Variants in MGST1 observed in about 807,000 individuals in gnomAD.
MGST1 encodes the protein glutathione S-transferase 12.
Under a neutral mutation model 8.9 loss-of-function variants are expected in MGST1, and 5 were observed. The observed-to-expected ratio is 0.56, with a 90% CI of 0.29 to 1.19. MGST1 has a LOEUF of 1.19. MGST1 is among the 50% of genes most tolerant of loss of function. The probability of loss-of-function intolerance (pLI) is 0.08; values close to 1 mark genes in which losing one functional copy is unlikely to be tolerated. For missense variants in MGST1, 182 were observed against 187.4 expected (o/e 0.97, Z 0.17); for synonymous variants, 54 against 67.8 (o/e 0.80, Z 1.00).
chr12:16,422,423 A>C (rs146590526), intron 1 of MGST1, among the ~76,000 whole-genome samples: 86 of 152,258 alleles, frequency 5.6e-4, no homozygotes, highest in African/African-American at 2.0e-3. Flanking sequence ...ACATAACAAA[A>C]TGGCCTATTT....
chr12:16,378,328 G>A (rs1469408542), downstream of MGST1, among the ~76,000 whole-genome samples: 1 of 151,678 alleles, frequency 6.6e-6, no homozygotes, highest in African/African-American at 2.4e-5. Flanking sequence ...TTTGTATAAG[G>A]TGTAAGGAAG....
At chr12:16,427,429 C>G (rs539206759) in intron 1 of MGST1, among the ~76,000 whole-genome samples, 1 of 152,334 alleles carries the variant, frequency 6.6e-6, no homozygotes, top group Admixed American at 6.5e-5. Context: ...GTCACCCAGG[C>G]TGAAGTACAG....
At chr12:16,530,705 G>C (rs966895685) in intron 4 of MGST1, among the ~76,000 whole-genome samples, 3 of 152,080 alleles carry the variant, frequency 2.0e-5, no homozygotes, top group African/African-American at 7.2e-5. Context: ...CTACCATGAA[G>C]TAAAAGAAAG....
intron 4 of MGST1, chr12:16,573,467 A>G (rs931773024): frequency 1.3e-5 from 2 of 152,208 alleles, no homozygotes; most frequent in African/African-American, 4.8e-5. Context: ...GTCCACATGT[A>G]TAAATAAAGT....
chr12:16,422,728 C>T (rs535243715), intron 1 of MGST1, among the ~76,000 whole-genome samples: 1 of 152,284 alleles, frequency 6.6e-6, no homozygotes, highest in African/African-American at 2.4e-5. Flanking sequence ...CTACTGGATA[C>T]AAGATCAGAG....
chr12:16,398,378 G>C (rs2137060025), intron 1 of MGST1, among the ~76,000 whole-genome samples: 1 of 152,306 alleles, frequency 6.6e-6, no homozygotes, highest in East Asian at 1.9e-4. Context: ...AGGAGCAGCA[G>C]TGCTGAGAGG....
chr12:16,392,522 C>T (rs372438786), intron 1 of MGST1, among the ~76,000 whole-genome samples: 3 of 152,184 alleles, frequency 2.0e-5, no homozygotes, highest in African/African-American at 7.2e-5. Flanking sequence ...ATTTCAGTTT[C>T]ATTTTTCTCC....
At chr12:16,475,686 T>A (rs1941317986) in intron 4 of MGST1, among the ~76,000 whole-genome samples, 1 of 152,162 alleles carries the variant, frequency 6.6e-6, no homozygotes, top group East Asian at 1.9e-4. Context: ...AAGGAGACTG[T>A]TGGAAGTAGC....
At chr12:16,379,946 T>C (rs1940433726), downstream of MGST1, among the ~76,000 whole-genome samples, 1 of 152,228 alleles carries the variant, frequency 6.6e-6, no homozygotes, top group Non-Finnish European at 1.5e-5. Context: ...GAGGTGTTTG[T>C]AGTATTCTCT....
At chr12:16,542,303 A>C (rs1941797522) in intron 4 of MGST1, among the ~76,000 whole-genome samples, 1 of 152,182 alleles carries the variant, frequency 6.6e-6, no homozygotes, top group Non-Finnish European at 1.5e-5. Context: ...AAAGAAAGAA[A>C]ATATATTGAG....
At chr12:16,380,302 C>T (rs1444793501), downstream of MGST1, among the ~76,000 whole-genome samples, 4 of 152,214 alleles carry the variant, frequency 2.6e-5, no homozygotes, top group African/African-American at 7.2e-5. Flanking sequence ...TCCCTCTACA[C>T]ACTGCTTTGA....
intron 1 of MGST1, among the ~76,000 whole-genome samples, chr12:16,411,801 G>A (rs1010491247): frequency 6.6e-6 from 1 of 152,158 alleles, no homozygotes; most frequent in Non-Finnish European, 1.5e-5. Flanking sequence ...TAAAAGTAGT[G>A]TAGAACAATC....
intron 1 of MGST1, among the ~76,000 whole-genome samples, chr12:16,394,564 TTCTTTCTTTC>T (rs1448629913): frequency 1.2e-5 from 1 of 83,286 alleles, no homozygotes; most frequent in Non-Finnish European, 2.8e-5. Context: ...CTTTCTTTCT[TTCTTTCTTTC>T]TTCTCTCTGT....
At chr12:16,375,123 C>T (rs1381858497) in intron 3 of MGST1, among the ~76,000 whole-genome samples, 5 of 152,118 alleles carry the variant, frequency 3.3e-5, no homozygotes, top group Admixed American at 1.3e-4. Flanking sequence ...TCAAGTGTTC[C>T]TCCTGCCTTG....
chr12:16,473,490 C>A (rs1302168032), intron 4 of MGST1, among the ~76,000 whole-genome samples: 1 of 152,142 alleles, frequency 6.6e-6, no homozygotes, highest in Admixed American at 6.5e-5. Flanking sequence ...TTAAGCATAA[C>A]CATATACAAC....
intron 1 of MGST1, among the ~76,000 whole-genome samples, chr12:16,432,768 A>C: frequency 6.6e-6 from 1 of 151,504 alleles, no homozygotes; most frequent in Admixed American, 6.6e-5. Flanking sequence ...TCCAGAGGAA[A>C]AGAATCAATA....
chr12:16,550,404 T>A (rs1156466806), intron 4 of MGST1: 1 of 152,342 alleles, frequency 6.6e-6, no homozygotes, highest in Non-Finnish European at 1.5e-5. Context: ...ATAAGGGGTG[T>A]GGCTGAAAAA....
chr12:16,425,588 A>G (rs939149502), intron 1 of MGST1, among the ~76,000 whole-genome samples: 1 of 152,038 alleles, frequency 6.6e-6, no homozygotes, highest in Non-Finnish European at 1.5e-5. Flanking sequence ...TCTGGCAGAA[A>G]CTCATTATTA....
In MGST1 at chr12:16,503,824, T is replaced by C. The variant is rs1941520392; in HGVS notation, n.483-85704T>C. Among the ~76,000 whole-genome samples, 1 of 152,222 alleles carries C rather than the reference T, an allele frequency of 6.6e-6. No individual in the cohort carries two copies. Among genetic ancestry groups the C allele is most frequent in the Non-Finnish European group, 1.5e-5 (1 of 68,036 alleles). On this transcript the variant is annotated intron_variant and non_coding_transcript_variant, in intron 4 of 4. Transcript: ENST00000538857. This position sits in a 1 kb window ranked among gnomAD's most constrained non-coding sequence, Gnocchi z 4.8. ...TAGATATTTCTGTGTAATTTCCTCC[T>C]TAATTTGCATTTAATTAAAAGTGGG... is the stretch of plus-strand genomic sequence containing the variant.
Sources: gnomAD v4.1 joint callset for allele counts (sites outside exome capture counted in the v4.1 genomes callset) on GRCh38, gnomAD v4.1.1 for gene constraint, Gnocchi (gnomAD v3.1) non-coding constraint, MANE v1.5 for transcripts, NCBI Gene and HGNC (gene_info 2026-07-23, HGNC 2026-07-21) for gene names.